The following MS4A2 variants were observed in gnomAD, a reference collection of about 807,000 sequenced individuals.
MS4A2 encodes high affinity immunoglobulin epsilon receptor subunit beta.
A neutral mutation model predicts 27.9 loss-of-function variants in MS4A2; 26 were observed. The ratio of observed to expected loss-of-function variants is 0.93; its 90% CI spans 0.68 to 1.29. MS4A2 has a LOEUF of 1.29. MS4A2 is among the 50% of genes most tolerant of loss of function. MS4A2 has a pLI of 0.00. For missense variants in MS4A2, 284 were observed against 284.6 expected (o/e 1.00, Z 0.01); for synonymous variants, 110 against 98.8 (o/e 1.11, Z -0.67).
At chr11:60,093,753 A>C (rs1029688961) in intron 5 of MS4A2, 195 bp downstream of exon 5, 1 of 857,548 alleles carries the variant, frequency 1.2e-6, no homozygotes, top group Admixed American at 2.1e-5. Flanking sequence ...CCTCGGGGTT[A>C]AAGTTATCTA....
At position 60,088,663 on chromosome 11, in the gene MS4A2, TA is replaced by T; in HGVS notation, c.-101del. 1 of 1,548,782 alleles carries T rather than the reference TA, an allele frequency of 6.5e-7. No individual in the cohort carries two copies. On this transcript the variant is annotated 5_prime_UTR_variant, in exon 1 of 7. Coordinates refer to ENST00000278888, the MANE Select transcript of MS4A2 (RefSeq NM_000139.5). ...AAAGAGAATCATCAATGTCATGAGG[TA>T]ACCCATTTCAACTGCCTATTCAGAG...
At chr11:60,088,567 T>C, upstream of MS4A2, 1 of 1,386,420 alleles carries the variant, frequency 7.2e-7, no homozygotes, top group Non-Finnish European at 9.4e-7. Context: ...ATTTTTCTAT[T>C]CATCACAAGT....
chr11:60,089,819 G>T lies in MS4A2; in HGVS notation c.184G>T (p.Gly62Trp), dbSNP rs371960706. Reference protein sequence around the residue: ...TVLKKEQEFLGVTQILTAMIC... With the variant: ...TVLKKEQEFLWVTQILTAMIC... ...TTTGAAAAAAGAGCAGGAGTTCCTG[G>T]GGGTGAGTGAGCCTCCTCCAACTTT... The change falls in exon 2 of 7, where the codon GGG becomes TGG. Residue 62 changes from glycine to tryptophan, a missense_variant and splice_region_variant. Transcript: ENST00000278888. 640 of 1,613,988 alleles carry T rather than the reference G, an allele frequency of 4.0e-4. 4 individuals are homozygous for T. The South Asian group carries it at 6.2e-3, about 16-fold the overall frequency.
At chr11:60,090,206 G>C in intron 2 of MS4A2, 130 bp from the exon 3 acceptor site, 2 of 947,482 alleles carry the variant, frequency 2.1e-6, no homozygotes, top group Non-Finnish European at 3.3e-6. Context: ...AAAATCTTAC[G>C]TGTGGATCAT....
chr11:60,092,210 A>G (rs916662914), intron 3 of MS4A2, among the ~76,000 whole-genome samples: 1 of 152,262 alleles, frequency 6.6e-6, no homozygotes, highest in African/African-American at 2.4e-5. Context: ...TGGAAGCCTC[A>G]TGTAAATGAA....
rs778517745 is a variant in MS4A2 at position 60,095,704 on chromosome 11, G to A, written c.*48G>A. 1 of 1,328,762 alleles carries A rather than the reference G, an allele frequency of 7.5e-7. No homozygotes were observed. Among genetic ancestry groups the A allele is most frequent in the Non-Finnish European group, 1.1e-6 (1 of 920,666 alleles). 82.3% of individuals were successfully genotyped at this position (1,328,762 alleles called of 1,614,324 possible). Reference sequence around the variant, plus strand: ...TGATTCACAGCCAAGGATCCAGAAGGCCAAGGTCTTGTTAAGGGGCTACTG... The same window carrying A: ...TGATTCACAGCCAAGGATCCAGAAGACCAAGGTCTTGTTAAGGGGCTACTG... On this transcript the variant is annotated 3_prime_UTR_variant, in exon 7 of 7. Coordinates refer to ENST00000278888, the MANE Select transcript of MS4A2 (RefSeq NM_000139.5).
chr11:60,091,978 T>A (rs1855767244), intron 3 of MS4A2, among the ~76,000 whole-genome samples: 1 of 152,260 alleles, frequency 6.6e-6, no homozygotes, highest in South Asian at 2.1e-4. Flanking sequence ...TATCATCATG[T>A]ACATTTTCAT....
chr11:60,092,683 A>G, intron 3 of MS4A2, 109 bp from the exon 4 acceptor site: 2 of 902,844 alleles, frequency 2.2e-6, no homozygotes, highest in South Asian at 1.5e-5. Flanking sequence ...ATTAATAAGT[A>G]ACTTTATCGA....
At position 60,090,606 on chromosome 11, in the gene MS4A2, T is replaced by C. The variant is rs115060873; in HGVS notation, c.321+136T>C. On this transcript the variant is annotated intron_variant, in intron 3 of 6. Coordinates refer to ENST00000278888, the MANE Select transcript of MS4A2 (RefSeq NM_000139.5). ...TAATTATAAATTATATGTGAGCATA[T>C]ATAACATAGATATGCTCATTAACAA... The C allele has an allele frequency of 1.9e-4, 154 of 799,296 alleles. 1 individual carries two copies. The African/African-American group carries it at 2.5e-3, about 13-fold the overall frequency. The allele number at this position is 799,296 out of a possible 1,614,324, so 49.5% of individuals were successfully genotyped here.
rs755082001 is a variant in MS4A2 at position 60,089,749 on chromosome 11, A to G, written c.114A>G (p.Leu38=). 14 of 1,614,110 alleles carry G rather than the reference A, an allele frequency of 8.7e-6. No individual in the cohort carries two copies. The highest frequency in any genetic ancestry group is 1.3e-5 in the African/African-American group (1 of 75,054). ...ISPQEVSSGR[L]LKSASSPPLH... Reference sequence around the variant, plus strand: ...CCCAGGAAGTATCTTCAGGCAGACTATTGAAGTCGGCCTCATCCCCACCAC... The same window carrying G: ...CCCAGGAAGTATCTTCAGGCAGACTGTTGAAGTCGGCCTCATCCCCACCAC... Residue 38 remains leucine (L), a synonymous_variant, in exon 2 of 7, where the codon CTA becomes CTG. Transcript: ENST00000278888.
rs1855860436 is a variant in MS4A2 at position 60,095,845 on chromosome 11, A to G, written c.*189A>G. 1.7e-6 allele frequency: 1 copy of G among 603,920 alleles called. No homozygotes were observed. Among genetic ancestry groups the G allele is most frequent in the Non-Finnish European group, 2.9e-6 (1 of 339,628 alleles). 37.4% of individuals were successfully genotyped at this position (603,920 alleles called of 1,614,324 possible). On this transcript the variant is annotated 3_prime_UTR_variant, in exon 7 of 7. Transcript: ENST00000278888. ...CTTAATATTCTCCTTCTATTTGTAG[A>G]TATGATAGACTCCTATTTTTCTTGT...
chr11:60,094,084 A>C (rs769668739), intron 6 of MS4A2, 22 bp downstream of exon 6: 1 of 1,515,462 alleles, frequency 6.6e-7, no homozygotes, highest in Non-Finnish European at 9.2e-7. Context: ...CCCGATATAA[A>C]ATCTTGAATG....
In MS4A2 at chr11:60,095,553, A is replaced by G; in HGVS notation, c.637-5A>G. 6.3e-7 allele frequency: 1 copy of G among 1,589,324 alleles called. No individual in the cohort carries two copies. The highest frequency in any genetic ancestry group is 8.6e-7 in the Non-Finnish European group (1 of 1,157,462). ...ATTGATATGAAATGATTTTTCCCTT[A>G]TCAGGTTCCAGAGGATCGTGTTTAT... On this transcript the variant is annotated splice_region_variant and splice_polypyrimidine_tract_variant and intron_variant, in intron 6 of 6. Transcript: ENST00000278888.
At position 60,095,539 on chromosome 11, in the gene MS4A2, A is replaced by G; in HGVS notation, c.637-19A>G. On this transcript the variant is annotated intron_variant, in intron 6 of 6. Transcript: ENST00000278888. Reference sequence around the variant, plus strand: ...GGAAATTTGTGGTGATTGATATGAAATGATTTTTCCCTTATCAGGTTCCAG... The same window carrying G: ...GGAAATTTGTGGTGATTGATATGAAGTGATTTTTCCCTTATCAGGTTCCAG... 6.6e-7 allele frequency: 1 copy of G among 1,505,338 alleles called. No individual in the cohort carries two copies. Among genetic ancestry groups the G allele is most frequent in the Non-Finnish European group, 9.3e-7 (1 of 1,080,992 alleles). The allele number at this position is 1,505,338 out of a possible 1,614,324, so 93.2% of individuals were successfully genotyped here. A position where few individuals can be genotyped will look rare whatever the true frequency, so the allele number is the denominator to read the frequency against.
At position 60,090,242 on chromosome 11, in the gene MS4A2, C is replaced by T. The variant is rs540048276; in HGVS notation, c.187-94C>T. On this transcript the variant is annotated intron_variant, in intron 2 of 6. Transcript: ENST00000278888. ...TTCTCAGGACAGTCTAGGACACTAA[C>T]GCAGTTTCTCATGTTTGGCTTCTAT... is the stretch of plus-strand genomic sequence containing the variant. 2.9e-5 allele frequency: 36 copies of T among 1,245,908 alleles called. No individual in the cohort carries two copies. The South Asian group carries it at 3.0e-4, about 10-fold the overall frequency. The allele number at this position is 1,245,908 out of a possible 1,614,324, so 77.2% of individuals were successfully genotyped here. A position where few individuals can be genotyped will look rare whatever the true frequency, so the allele number is the denominator to read the frequency against.
In MS4A2 at chr11:60,095,704, G is replaced by T; in HGVS notation, c.*48G>T. 1 of 1,328,762 alleles carries T rather than the reference G, an allele frequency of 7.5e-7. No homozygotes were observed. Among genetic ancestry groups the T allele is most frequent in the Non-Finnish European group, 1.1e-6 (1 of 920,666 alleles). 82.3% of individuals were successfully genotyped at this position (1,328,762 alleles called of 1,614,324 possible). On this transcript the variant is annotated 3_prime_UTR_variant, in exon 7 of 7. Coordinates refer to ENST00000278888, the MANE Select transcript of MS4A2 (RefSeq NM_000139.5). ...TGATTCACAGCCAAGGATCCAGAAG[G>T]CCAAGGTCTTGTTAAGGGGCTACTG...
chr11:60,090,542 G>A, intron 3 of MS4A2, 72 bp downstream of exon 3: 1 of 1,407,110 alleles, frequency 7.1e-7, no homozygotes, highest in Non-Finnish European at 9.9e-7. Context: ...GATCTAACCA[G>A]TTGTTTATTC....
At position 60,096,838 on chromosome 11, in the gene MS4A2, G is replaced by A. The variant is rs1416552488; in HGVS notation, c.*1182G>A. The stretch of plus-strand genomic sequence containing the variant: ...GGAGGCGGAGGTTGCAGTGAGCCGA[G>A]ATCGCACCAGTGCACTCCAGCCTTG... On this transcript the variant is annotated 3_prime_UTR_variant, in exon 7 of 7. Coordinates refer to ENST00000278888, the MANE Select transcript of MS4A2 (RefSeq NM_000139.5). 1.6e-5 allele frequency: 2 copies of A among 126,100 alleles called. No homozygotes were observed. The highest frequency in any genetic ancestry group is 3.1e-5 in the Non-Finnish European group (2 of 64,334). The allele number at this position is 126,100 out of a possible 1,614,324, so 7.8% of individuals were successfully genotyped here. A position where few individuals can be genotyped will look rare whatever the true frequency, so the allele number is the denominator to read the frequency against.
At position 60,092,836 on chromosome 11, in the gene MS4A2, T is replaced by A; in HGVS notation, c.366T>A (p.Asn122Lys). The A allele has an allele frequency of 6.2e-7, 1 of 1,613,974 alleles. No homozygotes were observed. The highest frequency in any genetic ancestry group is 8.5e-7 in the Non-Finnish European group (1 of 1,179,904). Residue 122 changes from asparagine (N) to lysine (K), a missense_variant, in exon 4 of 7, where the codon AAT becomes AAA. Coordinates refer to ENST00000278888, the MANE Select transcript of MS4A2 (RefSeq NM_000139.5). ...GMLSIISERR[N>K]ATYLVRGSLG... is the part of the protein sequence containing the mutation. The stretch of plus-strand genomic sequence containing the variant: ...TGTCAATTATATCTGAAAGGAGAAA[T>A]GCAACATATCTGGTGAGTTGCCCGT...
Sources: allele counts gnomAD v4.1 joint callset (sites outside exome capture counted in the v4.1 genomes callset), GRCh38; gene constraint gnomAD v4.1.1; transcripts MANE v1.5; gene names NCBI Gene and HGNC (gene_info 2026-07-23, HGNC 2026-07-21).